NCOA7: variants seen among roughly 807,000 people sequenced by gnomAD.
NCOA7 encodes nuclear receptor coactivator 7, also known as 140 kDa estrogen receptor-associated protein.
A neutral mutation model predicts 104.3 loss-of-function variants in NCOA7; 45 were observed. The ratio of observed to expected loss-of-function variants is 0.43; its 90% CI spans 0.34 to 0.55. The LOEUF (loss-of-function observed/expected upper bound fraction) is 0.55, where lower values mean the gene tolerates loss of function less well. Ranked by LOEUF, NCOA7 falls within the 20% of genes least tolerant of loss-of-function variation. The pLI, the probability that NCOA7 is intolerant of heterozygous loss-of-function variation, is 0.02. For synonymous variants in NCOA7, 398 were observed against 402.3 expected, an observed-to-expected ratio of 0.99 and a Z score of 0.13; for missense variants, 1,041 against 1,119.7, an observed-to-expected ratio of 0.93 and a Z score of 1.00.
At chr6:125,860,969 TA>T (rs936504457) in intron 3 of NCOA7, among the ~76,000 whole-genome samples, 2 of 152,214 alleles carry the variant, frequency 1.3e-5, no homozygotes, top group African/African-American at 4.8e-5. Context: ...GGAGGTCTTA[TA>T]ACAAACATAA....
chr6:125,816,469 C>G (rs1017294157), intron 2 of NCOA7, among the ~76,000 whole-genome samples: 3 of 152,074 alleles, frequency 2.0e-5, no homozygotes, highest in African/African-American at 7.2e-5. Context: ...AAGGCATGCT[C>G]CAGTTAGGAA....
chr6:125,789,897 G>A (rs1489061784), upstream of NCOA7, among the ~76,000 whole-genome samples: 1 of 152,218 alleles, frequency 6.6e-6, no homozygotes, highest in Admixed American at 6.5e-5. Context: ...ATATTTTTCT[G>A]CGTATAAGAG....
At chr6:125,844,768 C>G (rs1459236451) in intron 2 of NCOA7, among the ~76,000 whole-genome samples, 1 of 152,104 alleles carries the variant, frequency 6.6e-6, no homozygotes, top group Non-Finnish European at 1.5e-5. Flanking sequence ...TGGCATTTGT[C>G]ACATACCTTC....
At chr6:125,921,169 G>C (rs1251655451) in intron 12 of NCOA7, 101 bp downstream of exon 12, 1 of 1,441,974 alleles carries the variant, frequency 6.9e-7, no homozygotes, top group East Asian at 2.5e-5. Flanking sequence ...TCACACTTTG[G>C]GAGGCCAAGG....
chr6:125,892,045 C>T (rs1784657954), intron 10 of NCOA7, among the ~76,000 whole-genome samples: 1 of 152,160 alleles, frequency 6.6e-6, no homozygotes, highest in Non-Finnish European at 1.5e-5. Context: ...TAGAATTTTA[C>T]AGCTGAATAA....
intron 5 of NCOA7, among the ~76,000 whole-genome samples, chr6:125,879,218 A>T (rs1783624323): frequency 1.3e-5 from 2 of 152,246 alleles, no homozygotes; most frequent in South Asian, 4.1e-4. Flanking sequence ...CATATTGAAG[A>T]TGCTATAAAA....
intron 10 of NCOA7, among the ~76,000 whole-genome samples, chr6:125,904,127 G>T (rs1342563317): frequency 6.6e-6 from 1 of 152,072 alleles, no homozygotes; most frequent in Non-Finnish European, 1.5e-5. Context: ...CTTATGCTTG[G>T]GACTTTCTGT....
intron 1 of NCOA7, among the ~76,000 whole-genome samples, chr6:125,811,182 G>C (rs1009845579): frequency 6.6e-6 from 1 of 152,204 alleles, no homozygotes; most frequent in African/African-American, 2.4e-5. Flanking sequence ...AGGGAGGCTG[G>C]CATGAGACTC....
chr6:125,833,683 G>A (rs1779378115), intron 2 of NCOA7, among the ~76,000 whole-genome samples: 1 of 152,126 alleles, frequency 6.6e-6, no homozygotes, highest in South Asian at 2.1e-4. Context: ...TTTGGGGGCT[G>A]TGGCTTCTCT....
chr6:125,833,476 G>A (rs1779351725), intron 2 of NCOA7, among the ~76,000 whole-genome samples: 1 of 151,746 alleles, frequency 6.6e-6, no homozygotes, highest in Non-Finnish European at 1.5e-5. Flanking sequence ...CCAGCTACTC[G>A]GGAAGCTGAG....
chr6:125,903,484 A>G (rs1413530194), intron 10 of NCOA7, among the ~76,000 whole-genome samples: 1 of 152,170 alleles, frequency 6.6e-6, no homozygotes, highest in East Asian at 1.9e-4. Context: ...CTATGAACGC[A>G]TGGCCTCCCT....
chr6:125,838,866 A>T (rs1049938879), intron 2 of NCOA7, among the ~76,000 whole-genome samples: 4 of 152,032 alleles, frequency 2.6e-5, no homozygotes, highest in African/African-American at 7.2e-5. Context: ...ATTATAAAGG[A>T]TATAACTCAG....
At chr6:125,862,012 G>A (rs1419941923) in intron 3 of NCOA7, among the ~76,000 whole-genome samples, 1 of 117,776 alleles carries the variant, frequency 8.5e-6, no homozygotes, top group Non-Finnish European at 1.7e-5. Flanking sequence ...ACTCCAGCCT[G>A]GGCAACAAGA....
chr6:125,794,091 C>G (rs1158211881), intron 1 of NCOA7, among the ~76,000 whole-genome samples: 4 of 152,180 alleles, frequency 2.6e-5, no homozygotes, highest in Non-Finnish European at 5.9e-5. Flanking sequence ...GCATCCTTAA[C>G]ACCCCCCCAT....
chr6:125,867,100 A>G (rs1782500701), intron 3 of NCOA7, among the ~76,000 whole-genome samples: 1 of 152,190 alleles, frequency 6.6e-6, no homozygotes, highest in Admixed American at 6.5e-5. Context: ...GTCTTGTTAT[A>G]TTTATTCCTA....
chr6:125,897,115 G>A (rs1050758177), intron 10 of NCOA7, among the ~76,000 whole-genome samples: 2 of 152,146 alleles, frequency 1.3e-5, no homozygotes, highest in South Asian at 4.1e-4. Context: ...GTATACATGC[G>A]CACACAGGTA....
chr6:125,907,430 G>A (rs954115443), intron 10 of NCOA7, among the ~76,000 whole-genome samples: 2 of 152,336 alleles, frequency 1.3e-5, no homozygotes, highest in East Asian at 1.9e-4. Context: ...CAGCACTGAC[G>A]GGCTGGCTCC....
intron 12 of NCOA7, among the ~76,000 whole-genome samples, 187 bp downstream of exon 12, chr6:125,921,255 C>T (rs1337347692): frequency 6.6e-6 from 1 of 152,086 alleles, no homozygotes; most frequent in Non-Finnish European, 1.5e-5. Context: ...ACTAAAAATA[C>T]AAAAATTGGC....
intron 3 of NCOA7, among the ~76,000 whole-genome samples, chr6:125,867,982 T>A (rs184297878): frequency 1.1e-4 from 17 of 152,338 alleles, no homozygotes; most frequent in Admixed American, 7.8e-4. Context: ...AGTCATTCAG[T>A]TTTCATTCCT....
Sources: gnomAD v4.1 joint callset for allele counts (sites outside exome capture counted in the v4.1 genomes callset) on GRCh38, gnomAD v4.1.1 for gene constraint, MANE v1.5 for transcripts, NCBI Gene and HGNC (gene_info 2026-07-23, HGNC 2026-07-21) for gene names.